RAPH1: variants seen among roughly 807,000 people sequenced by gnomAD.
RAPH1 encodes the protein ras-associated and pleckstrin homology domains-containing protein 1.
A neutral mutation model predicts 88.1 loss-of-function variants in RAPH1; 18 were observed. That is an observed-to-expected ratio of 0.20 (90% CI 0.14 to 0.30). RAPH1 has a LOEUF of 0.30. Ranked by LOEUF, RAPH1 falls within the 10% of genes least tolerant of loss-of-function variation. The pLI, the probability that RAPH1 is intolerant of heterozygous loss-of-function variation, is 1.00. For missense variants in RAPH1, 1,448 were observed against 1,543.2 expected (o/e 0.94, Z 1.03); for synonymous variants, 587 against 559.0 (o/e 1.05, Z -0.71).
intron 4 of RAPH1, chr2:203,476,978 G>T: frequency 2.3e-6 from 2 of 857,214 alleles, no homozygotes; most frequent in Non-Finnish European, 1.9e-6. Flanking sequence ...ATTTTTATTT[G>T]AAAAACTGAA....
chr2:203,443,253 A>T (rs2098505908), intron 13 of RAPH1: 1 of 152,030 alleles, frequency 6.6e-6, no homozygotes, highest in South Asian at 2.1e-4. Flanking sequence ...GACCAAAAGC[A>T]CCCCCCACCA....
At position 203,440,009 on chromosome 2, in the gene RAPH1, C is replaced by T. The variant is rs745344469; in HGVS notation, c.3181G>A (p.Val1061Met). Reference protein sequence around the residue: ...PVLSGRGKDSVVEFPSPPSDS... With the variant: ...PVLSGRGKDSMVEFPSPPSDS... ...GATGGAGGAGAAGGAAATTCCACCACGGAGTCCTTTCCACGCCCACTCAGA... is the reference window on the plus strand; with the variant it reads ...GATGGAGGAGAAGGAAATTCCACCATGGAGTCCTTTCCACGCCCACTCAGA... The change falls in exon 14 of 14, where the codon GTG becomes ATG. Residue 1061 changes from valine to methionine, a missense_variant. Transcript: ENST00000319170. The T allele has an allele frequency of 1.7e-5, 27 of 1,613,402 alleles. 1 individual carries two copies. In the South Asian group the frequency reaches 1.8e-4, roughly 10 times the overall value.
At chr2:203,475,096 G>C (rs2098536238) in intron 4 of RAPH1, among the ~76,000 whole-genome samples, 1 of 152,086 alleles carries the variant, frequency 6.6e-6, no homozygotes, top group Non-Finnish European at 1.5e-5. Context: ...GAGCAACAGA[G>C]CAAGACTGCA....
At chr2:203,480,192 TAAAAC>T (rs1231078016) in intron 4 of RAPH1, among the ~76,000 whole-genome samples, 1 of 152,176 alleles carries the variant, frequency 6.6e-6, no homozygotes, top group Non-Finnish European at 1.5e-5. Context: ...TGTAACATGT[TAAAAC>T]AAAGTGCCAT....
chr2:203,444,162 G>C (rs774957083), intron 13 of RAPH1: 2 of 152,236 alleles, frequency 1.3e-5, no homozygotes, highest in Non-Finnish European at 2.9e-5. Flanking sequence ...GGCTGGGCAC[G>C]GTGGCTCTCG....
intron 1 of RAPH1, among the ~76,000 whole-genome samples, chr2:203,509,065 A>G (rs1278154153): frequency 7.4e-6 from 1 of 135,710 alleles, no homozygotes; most frequent in African/African-American, 2.7e-5. Context: ...TTTAAAAAAT[A>G]ATTTTTTTTT....
intron 4 of RAPH1, among the ~76,000 whole-genome samples, chr2:203,468,524 T>C (rs967976896): frequency 6.6e-6 from 1 of 152,200 alleles, no homozygotes; most frequent in Admixed American, 6.5e-5. Context: ...CCAATCTTTT[T>C]CCCAGTATGT....
At position 203,439,284 on chromosome 2, in the gene RAPH1, A is replaced by G. The variant is rs1413959678; in HGVS notation, c.*153T>C. The G allele has an allele frequency of 4.7e-6, 3 of 643,150 alleles. No homozygotes were observed. In the African/African-American group the frequency reaches 5.4e-5, roughly 12 times the overall value. 39.8% of individuals were successfully genotyped at this position (643,150 alleles called of 1,614,324 possible). A position where few individuals can be genotyped will look rare whatever the true frequency, so the allele number is the denominator to read the frequency against. ...ATACACACACTGTACAGCTGTGTGT[A>G]CATGCACGTGTACACACACACATAC... On this transcript the variant is annotated 3_prime_UTR_variant, in exon 14 of 14. Transcript: ENST00000319170.
chr2:203,519,600 T>C (rs542508007), intron 1 of RAPH1, among the ~76,000 whole-genome samples: 1 of 152,272 alleles, frequency 6.6e-6, no homozygotes, highest in Non-Finnish European at 1.5e-5. Context: ...GATAAGGATG[T>C]CCACTCTGAC....
intron 7 of RAPH1, among the ~76,000 whole-genome samples, 191 bp downstream of exon 7, chr2:203,459,716 C>T (rs1281229316): frequency 6.6e-6 from 1 of 152,138 alleles, no homozygotes; most frequent in Non-Finnish European, 1.5e-5. Context: ...GGGCCTAACA[C>T]GTGGGCACCA....
intron 2 of RAPH1, among the ~76,000 whole-genome samples, chr2:203,493,630 A>T (rs1688371992): frequency 1.3e-5 from 2 of 152,160 alleles, no homozygotes; most frequent in South Asian, 4.1e-4. Context: ...ACTTCTTCTG[A>T]TTAGAGATGA....
chr2:203,501,979 G>T (rs1166908596), intron 1 of RAPH1, among the ~76,000 whole-genome samples: 1 of 152,144 alleles, frequency 6.6e-6, no homozygotes, highest in African/African-American at 2.4e-5. Context: ...ACAGATATAA[G>T]ATATCTTGAT....
Position 203,444,886 on chromosome 2 carries a change from C to A in RAPH1, c.1758G>T (p.Gln586His), listed in dbSNP as rs2098508048. The change falls in exon 13 of 14, where the codon CAG becomes CAT. Residue 586 changes from glutamine to histidine, a missense_variant. By Grantham distance (24) the Gln-to-His change is conservative (BLOSUM62 0). Transcript: ENST00000319170. ...CTGTTACCTTGCTGGACTCTTCCAA[C>A]TGAGTGCCTCGTTTCCAGGCTTCAG... Reference protein sequence around the residue: ...VFSEAWKRGTQLEESSKARME... With the variant: ...VFSEAWKRGTHLEESSKARME... 1.2e-6 allele frequency: 2 copies of A among 1,614,036 alleles called. No homozygotes were observed. Among genetic ancestry groups the A allele is most frequent in the Non-Finnish European group, 1.7e-6 (2 of 1,180,010 alleles).
Position 203,472,127 on chromosome 2 carries a change from CTTT to C in RAPH1, c.733-10205_733-10203del, listed in dbSNP as rs531692694. ...TAGCCATTCTTTGGTTTCTTTAGTT[CTTT>C]TTTTTTTTTTTTATTTTTTTGAGAC... is the stretch of plus-strand genomic sequence containing the variant. On this transcript the variant is annotated intron_variant, in intron 4 of 13. Transcript: ENST00000319170. Among the ~76,000 whole-genome samples, 938 of 140,710 alleles carry C rather than the reference CTTT, an allele frequency of 6.7e-3. 16 individuals are homozygous for C. The highest frequency in any genetic ancestry group is 0.023 in the African/African-American group (875 of 38,458). The allele number at this position is 140,710 out of a possible 152,430, so 92.3% of individuals were successfully genotyped here.
Position 203,440,056 on chromosome 2 carries a change from C to T in RAPH1, c.3134G>A (p.Cys1045Tyr), listed in dbSNP as rs1294622285. Residue 1045 changes from cysteine (C) to tyrosine (Y), a missense_variant, in exon 14 of 14, where the codon TGT (cysteine) becomes TAT (tyrosine). Cys to Tyr is a radical substitution (Grantham distance 194). This residue lies in a region of RAPH1 where 935 missense variants were observed against 890.1 expected (regional missense o/e 1.05). Transcript: ENST00000319170. ...CAGAACAGGGGCTTTTGCTGACACACACCCTTGTTGGAGAACTCCAGGAAG... is the reference window on the plus strand; with the variant it reads ...CAGAACAGGGGCTTTTGCTGACACATACCCTTGTTGGAGAACTCCAGGAAG... ...VNLPGVLQQG[C>Y]VSAKAPVLSG... is the part of the protein sequence containing the mutation. 1.2e-6 allele frequency: 2 copies of T among 1,613,628 alleles called. No individual in the cohort carries two copies. The highest frequency in any genetic ancestry group is 2.7e-5 in the African/African-American group (2 of 74,968).
rs1436565963 is a variant in RAPH1, at chr2:203,438,003, G to A, written c.*1434C>T. 2.7e-6 allele frequency: 1 copy of A among 366,976 alleles called. No individual in the cohort carries two copies. Among genetic ancestry groups the A allele is most frequent in the Non-Finnish European group, 5.4e-6 (1 of 184,926 alleles). 22.7% of individuals were successfully genotyped at this position (366,976 alleles called of 1,614,324 possible). A position where few individuals can be genotyped will look rare whatever the true frequency, so the allele number is the denominator to read the frequency against. On this transcript the variant is annotated 3_prime_UTR_variant, in exon 14 of 14. Coordinates refer to ENST00000319170, the MANE Select transcript of RAPH1 (RefSeq NM_213589.3). ...AGTACTTATTTCTCTCATGTACCAAGGAAAATTCACAGAAAAAAGCATATA... is the reference window on the plus strand; with the variant it reads ...AGTACTTATTTCTCTCATGTACCAAAGAAAATTCACAGAAAAAAGCATATA...
At chr2:203,453,005 TA>T (rs1351324874) in intron 10 of RAPH1, among the ~76,000 whole-genome samples, 2 of 152,178 alleles carry the variant, frequency 1.3e-5, no homozygotes, top group Non-Finnish European at 1.5e-5. Context: ...ACATGTCATA[TA>T]ACCTCTTAGA....
At chr2:203,522,727 C>A (rs1263504718) in intron 1 of RAPH1, among the ~76,000 whole-genome samples, 3 of 151,810 alleles carry the variant, frequency 2.0e-5, no homozygotes, top group African/African-American at 7.2e-5. Context: ...CATCGTGAAA[C>A]CTCATCTCTA....
chr2:203,457,338 C>T (rs1581273447), intron 8 of RAPH1, among the ~76,000 whole-genome samples, 192 bp downstream of exon 8: 1 of 152,048 alleles, frequency 6.6e-6, no homozygotes, highest in Admixed American at 6.6e-5. Context: ...AGGCGCCCAC[C>T]ACCACGCCTG....
Sources: gnomAD v4.1 joint callset for allele counts (sites outside exome capture counted in the v4.1 genomes callset) on GRCh38, gnomAD v4.1.1 for gene constraint, gnomAD v4.1.1 regional missense constraint, MANE v1.5 for transcripts, NCBI Gene and HGNC (gene_info 2026-07-23, HGNC 2026-07-21) for gene names.